Variants in LRRTM3 observed in about 807,000 individuals in gnomAD.
LRRTM3 encodes the protein leucine rich repeat transmembrane neuronal 3.
LRRTM3 carries 24 observed loss-of-function variants against 44.7 expected under a neutral mutation model. The observed-to-expected ratio is 0.54, with a 90% confidence interval of 0.39 to 0.76. The LOEUF (loss-of-function observed/expected upper bound fraction) is 0.76. LRRTM3 is among the 30% of genes least tolerant of loss of function. The pLI, the probability that LRRTM3 is intolerant of heterozygous loss-of-function variation, is 0.00. For missense variants in LRRTM3, 587 were observed against 702.2 expected, an observed-to-expected ratio of 0.84 and a Z score of 1.85; for synonymous variants, 277 against 278.7, an observed-to-expected ratio of 0.99 and a Z score of 0.06.
At chr10:67,038,626 T>C (rs763132906) in intron 2 of LRRTM3, among the ~76,000 whole-genome samples, 12 of 152,116 alleles carry the variant, frequency 7.9e-5, no homozygotes, top group Non-Finnish European at 1.3e-4. Flanking sequence ...ATTTTTGTTA[T>C]CTGGTCTTTC....
intron 2 of LRRTM3, among the ~76,000 whole-genome samples, chr10:66,993,348 T>C (rs1225129641): frequency 6.6e-6 from 1 of 152,264 alleles, no homozygotes; most frequent in Non-Finnish European, 1.5e-5. Context: ...CCTTATTCTA[T>C]TCCTACAAGT....
intron 2 of LRRTM3, among the ~76,000 whole-genome samples, chr10:67,079,501 G>A (rs1856923186): frequency 6.6e-6 from 1 of 152,096 alleles, no homozygotes; most frequent in Non-Finnish European, 1.5e-5. Flanking sequence ...AATAGAAAAG[G>A]CAAAGTATTA....
In LRRTM3 at chr10:67,038,881, A is replaced by C. The variant is rs375849792; in HGVS notation, c.1537-58706A>C. ...ATATTATGTTATAATAATACATACA[A>C]ATTTAGTAGAAAGGAACAAATTAAC... On this transcript the variant is annotated intron_variant, in intron 2 of 2. Coordinates refer to ENST00000361320, the MANE Select transcript of LRRTM3 (RefSeq NM_178011.5). 3.7e-4 allele frequency among the ~76,000 whole-genome samples: 57 copies of C among 152,210 alleles called. No homozygotes were observed. In the East Asian group the frequency reaches 0.01, roughly 27 times the overall value.
chr10:66,958,308 CAAAA>C (rs35076056), intron 2 of LRRTM3, among the ~76,000 whole-genome samples: 88 of 86,920 alleles, frequency 1.0e-3, no homozygotes, highest in African/African-American at 3.5e-3. Context: ...TGCTTTCTTG[CAAAA>C]AAAAAAAAAA....
intron 2 of LRRTM3, among the ~76,000 whole-genome samples, chr10:67,072,461 A>C (rs979103150): frequency 4.6e-5 from 7 of 152,166 alleles, no homozygotes; most frequent in African/African-American, 1.7e-4. Context: ...GTATGATAGA[A>C]ATTAGTTAAA....
intron 2 of LRRTM3, among the ~76,000 whole-genome samples, chr10:66,973,100 C>A (rs1463667986): frequency 3.3e-5 from 5 of 152,086 alleles, no homozygotes; most frequent in Non-Finnish European, 5.9e-5. Context: ...TGCTTCTCAG[C>A]CTTTTGGCTA....
intron 2 of LRRTM3, among the ~76,000 whole-genome samples, chr10:67,004,612 A>G (rs1444659567): frequency 6.6e-6 from 1 of 152,224 alleles, no homozygotes; most frequent in East Asian, 1.9e-4. Flanking sequence ...AGAGGACTAC[A>G]GAACTAATCC....
At chr10:66,939,583 C>T (rs1847890008) in intron 2 of LRRTM3, among the ~76,000 whole-genome samples, 1 of 151,902 alleles carries the variant, frequency 6.6e-6, no homozygotes, top group Non-Finnish European at 1.5e-5. Context: ...TAAAAATGAC[C>T]TCTTCCCTAA....
chr10:67,010,516 A>C (rs921534860), intron 2 of LRRTM3, among the ~76,000 whole-genome samples: 1 of 152,160 alleles, frequency 6.6e-6, no homozygotes, highest in African/African-American at 2.4e-5. Context: ...GCTATCCTGT[A>C]GGTATTAGAT....
At chr10:66,950,375 C>G (rs974527797) in intron 2 of LRRTM3, among the ~76,000 whole-genome samples, 26 of 151,696 alleles carry the variant, frequency 1.7e-4, no homozygotes, top group Admixed American at 9.2e-4. Flanking sequence ...TTTTTGTATC[C>G]TAAACATGCT....
chr10:66,929,975 C>A (rs1489354883), intron 2 of LRRTM3, among the ~76,000 whole-genome samples: 1 of 152,170 alleles, frequency 6.6e-6, no homozygotes, highest in Non-Finnish European at 1.5e-5. Flanking sequence ...TTGCCAACCC[C>A]TACATCTTTA....
At position 66,927,905 on chromosome 10, in the gene LRRTM3, T is replaced by G; in HGVS notation, c.989T>G (p.Phe330Cys). 6.2e-7 allele frequency: 1 copy of G among 1,614,204 alleles called. No individual in the cohort carries two copies. The highest frequency in any genetic ancestry group is 8.5e-7 in the Non-Finnish European group (1 of 1,180,044). ...ICSLVNWLKS[F>C]KGLRENTIIC... ...TCCCTTGTAAACTGGCTGAAAAGTT[T>G]TAAAGGTCTAAGGGAGAATACAATT... Residue 330 changes from phenylalanine to cysteine, a missense_variant, in exon 2 of 3, where the codon TTT becomes TGT. Phe to Cys is a radical substitution (Grantham distance 205, BLOSUM62 -2). Around this residue, in one of 3 missense-constraint regions of LRRTM3, gnomAD observed 315 missense variants for 335.6 expected, o/e 0.94. Coordinates refer to ENST00000361320, the MANE Select transcript of LRRTM3 (RefSeq NM_178011.5). The surrounding 1 kb of genome is among the most constrained non-coding windows in gnomAD (Gnocchi z 4.7).
In LRRTM3 at chr10:66,926,876, T is replaced by A. The variant is rs753647496; in HGVS notation, c.5-45T>A. The A allele has an allele frequency of 1.1e-5, 16 of 1,505,078 alleles. No homozygotes were observed. The South Asian group carries it at 2.2e-4, about 20-fold the overall frequency. The allele number at this position is 1,505,078 out of a possible 1,614,324, so 93.2% of individuals were successfully genotyped here. A position where few individuals can be genotyped will look rare whatever the true frequency, so the allele number is the denominator to read the frequency against. On this transcript the variant is annotated intron_variant, in intron 1 of 2. Coordinates refer to ENST00000361320, the MANE Select transcript of LRRTM3 (RefSeq NM_178011.5). ...CTATTTTTGCTTGATTAAGGATTAA[T>A]TCTTTTTTGGGGGGATAACTTTTCT... is the stretch of plus-strand genomic sequence containing the variant.
chr10:67,072,212 C>T (rs1856504313), intron 2 of LRRTM3, among the ~76,000 whole-genome samples: 1 of 152,166 alleles, frequency 6.6e-6, no homozygotes, highest in South Asian at 2.1e-4. Flanking sequence ...CCTTAGCCTC[C>T]CAAAGTGCTG....
chr10:67,061,241 T>G (rs1346946868), intron 2 of LRRTM3, among the ~76,000 whole-genome samples: 1 of 152,138 alleles, frequency 6.6e-6, no homozygotes, highest in Non-Finnish European at 1.5e-5. Flanking sequence ...TGAAAGCATT[T>G]TACCTTTATT....
rs187531617 is a variant in LRRTM3 at position 66,935,967 on chromosome 10, G to A, written c.1536+7515G>A. Among the ~76,000 whole-genome samples, 957 of 152,048 alleles carry A rather than the reference G, an allele frequency of 6.3e-3. 9 individuals carry two copies. Among genetic ancestry groups the A allele is most frequent in the African/African-American group, 0.022 (899 of 41,448 alleles). ...CAGATCCCTTTAGGAAATAATTTCC[G>A]ATGATTTACCATTAGAACATCCCTC... On this transcript the variant is annotated intron_variant, in intron 2 of 2. Coordinates refer to ENST00000361320, the MANE Select transcript of LRRTM3 (RefSeq NM_178011.5).
At chr10:67,030,638 T>C (rs755735684) in intron 2 of LRRTM3, among the ~76,000 whole-genome samples, 1 of 152,162 alleles carries the variant, frequency 6.6e-6, no homozygotes, top group Non-Finnish European at 1.5e-5. Context: ...ATCAATATAT[T>C]TGTTTATCAC....
At chr10:66,972,700 ATT>A (rs56664927) in intron 2 of LRRTM3, among the ~76,000 whole-genome samples, 1,414 of 108,618 alleles carry the variant, frequency 0.013, 16 homozygotes, top group East Asian at 0.033. Context: ...TGTCAAATAG[ATT>A]TTTTTTTTTT....
chr10:67,045,641 T>G (rs1179070858), intron 2 of LRRTM3, among the ~76,000 whole-genome samples: 1 of 152,158 alleles, frequency 6.6e-6, no homozygotes, highest in African/African-American at 2.4e-5. Context: ...TTCCCAGGAC[T>G]AGGGGCACTC....
Sources: gnomAD v4.1 joint callset for allele counts (sites outside exome capture counted in the v4.1 genomes callset) on GRCh38, gnomAD v4.1.1 for gene constraint, gnomAD v4.1.1 regional missense constraint, Gnocchi (gnomAD v3.1) non-coding constraint, MANE v1.5 for transcripts, NCBI Gene and HGNC (gene_info 2026-07-23, HGNC 2026-07-21) for gene names.